CDH13: variants seen among roughly 807,000 people sequenced by gnomAD.
CDH13 encodes cadherin-13.
CDH13 carries 24 observed loss-of-function variants against 63.8 expected under a neutral mutation model. That is an observed-to-expected ratio of 0.38 (90% CI 0.27 to 0.53). The LOEUF is 0.53. Among genes scored for constraint, CDH13 ranks in the 20% least tolerant of loss-of-function variants. The probability of loss-of-function intolerance (pLI) is 0.85; values close to 1 mark genes in which losing one functional copy is unlikely to be tolerated. For synonymous variants in CDH13, 503 were observed against 355.3 expected (o/e 1.42, Z -4.67); for missense variants, 1,049 against 903.1 (o/e 1.16, Z -2.07).
chr16:83,627,583 C>T (rs766269887), intron 8 of CDH13, among the ~76,000 whole-genome samples: 2 of 152,150 alleles, frequency 1.3e-5, no homozygotes, highest in African/African-American at 4.8e-5. Context: ...CAGGGTCTCA[C>T]TCTGTCACCC....
At chr16:82,749,327 A>C (rs2034314432) in intron 1 of CDH13, among the ~76,000 whole-genome samples, 1 of 152,176 alleles carries the variant, frequency 6.6e-6, no homozygotes. Flanking sequence ...TTTGCATTAC[A>C]TTCAATGAGG....
intron 7 of CDH13, among the ~76,000 whole-genome samples, chr16:83,584,024 G>T (rs1905894041): frequency 6.6e-6 from 1 of 151,946 alleles, no homozygotes; most frequent in Non-Finnish European, 1.5e-5. Flanking sequence ...GTGAGCAAAA[G>T]CAGAGAGTTA....
At chr16:82,916,659 G>C (rs1597208554) in intron 2 of CDH13, among the ~76,000 whole-genome samples, 2 of 151,914 alleles carry the variant, frequency 1.3e-5, no homozygotes, top group East Asian at 3.9e-4. Flanking sequence ...AAGCCCAGTA[G>C]CATATTCGGG....
At chr16:82,876,018 G>A (rs1321165223) in intron 2 of CDH13, among the ~76,000 whole-genome samples, 1 of 152,196 alleles carries the variant, frequency 6.6e-6, no homozygotes, top group Non-Finnish European at 1.5e-5. Flanking sequence ...GAGAATTTGT[G>A]CAGGGGAACT....
chr16:83,569,909 GT>G (rs1388971839), intron 7 of CDH13, among the ~76,000 whole-genome samples: 1 of 152,076 alleles, frequency 6.6e-6, no homozygotes, highest in Non-Finnish European at 1.5e-5. Flanking sequence ...GCTAATTTTT[GT>G]ATTTTTAATA....
At chr16:83,122,944 C>G (rs1385633537) in intron 3 of CDH13, among the ~76,000 whole-genome samples, 2 of 152,072 alleles carry the variant, frequency 1.3e-5, no homozygotes, top group African/African-American at 4.8e-5. Context: ...TCCCACTTTC[C>G]GAAGTCCCCA....
intron 8 of CDH13, among the ~76,000 whole-genome samples, chr16:83,669,432 G>A (rs1375681235): frequency 6.6e-6 from 1 of 152,162 alleles, no homozygotes; most frequent in Admixed American, 6.5e-5. Context: ...GAAGATAGAA[G>A]ATAGGTAGAC....
At chr16:82,929,188 C>A (rs554712820) in intron 2 of CDH13, among the ~76,000 whole-genome samples, 1 of 152,096 alleles carries the variant, frequency 6.6e-6, no homozygotes, top group Non-Finnish European at 1.5e-5. Context: ...AATGTTTGTG[C>A]TCCCCAGAAT....
chr16:83,123,292 T>G (rs2035668264), intron 3 of CDH13, among the ~76,000 whole-genome samples: 1 of 152,038 alleles, frequency 6.6e-6, no homozygotes, highest in Non-Finnish European at 1.5e-5. Flanking sequence ...CTTTTTTTCT[T>G]TTTTGAGACT....
intron 6 of CDH13, among the ~76,000 whole-genome samples, chr16:83,441,664 C>T (rs893349851): frequency 6.6e-6 from 1 of 152,134 alleles, no homozygotes; most frequent in African/African-American, 2.4e-5. Context: ...TGACTCACAG[C>T]TGCCACCAAG....
intron 8 of CDH13, among the ~76,000 whole-genome samples, chr16:83,631,288 G>GA (rs372863492): frequency 6.6e-6 from 1 of 152,294 alleles, no homozygotes; most frequent in East Asian, 1.9e-4. Flanking sequence ...GTTTCACATG[G>GA]AAAACTGCCC....
At chr16:82,983,047 A>C (rs909888559) in intron 2 of CDH13, among the ~76,000 whole-genome samples, 1 of 152,162 alleles carries the variant, frequency 6.6e-6, no homozygotes, top group African/African-American at 2.4e-5. Context: ...TCTGAAGCCC[A>C]TGACAGTATT....
chr16:82,799,972 G>T (rs1301716208), intron 1 of CDH13, among the ~76,000 whole-genome samples: 2 of 152,168 alleles, frequency 1.3e-5, no homozygotes, highest in Non-Finnish European at 2.9e-5. Context: ...GCTGGTACAA[G>T]CAGAGAGGAT....
chr16:82,627,277 G>A, intron 1 of CDH13, 140 bp downstream of exon 1: 1 of 727,820 alleles, frequency 1.4e-6, no homozygotes, highest in South Asian at 1.5e-5. Flanking sequence ...TCGGTAGGGA[G>A]GTCATTCCGA....
chr16:83,691,439 ACT>A (rs1314602673), intron 10 of CDH13, among the ~76,000 whole-genome samples: 5 of 151,904 alleles, frequency 3.3e-5, no homozygotes, highest in Non-Finnish European at 7.4e-5. Context: ...GCCCTGGGAC[ACT>A]CTCATATTGG....
At chr16:83,439,368 G>T (rs536900367) in intron 6 of CDH13, among the ~76,000 whole-genome samples, 2 of 152,310 alleles carry the variant, frequency 1.3e-5, no homozygotes, top group Admixed American at 6.5e-5. Context: ...TCATTGCAAT[G>T]GGAGAGAATA....
chr16:83,474,229 G>T (rs1450543082), intron 6 of CDH13, among the ~76,000 whole-genome samples: 3 of 152,142 alleles, frequency 2.0e-5, no homozygotes, highest in Non-Finnish European at 1.5e-5. Context: ...CTCCTCCTCA[G>T]TGCCCCCTAT....
chr16:83,626,874 C>A (rs147861960), intron 8 of CDH13, among the ~76,000 whole-genome samples: 1 of 152,110 alleles, frequency 6.6e-6, no homozygotes, highest in African/African-American at 2.4e-5. Flanking sequence ...TCCGTGATGC[C>A]GCTGCGCCTG....
intron 2 of CDH13, among the ~76,000 whole-genome samples, chr16:82,947,897 C>G (rs943443533): frequency 2.5e-4 from 38 of 152,202 alleles, no homozygotes; most frequent in African/African-American, 9.2e-4. Flanking sequence ...CATGATGGAA[C>G]TAGTTGGGAG....
Sources: gnomAD v4.1 joint callset for allele counts (sites outside exome capture counted in the v4.1 genomes callset) on GRCh38, gnomAD v4.1.1 for gene constraint, MANE v1.5 for transcripts, NCBI Gene and HGNC (gene_info 2026-07-23, HGNC 2026-07-21) for gene names.